Variants in ANKRD26 observed in about 807,000 individuals in gnomAD.
ANKRD26 encodes the protein ankyrin repeat domain 26.
Under a neutral mutation model 208.7 loss-of-function variants are expected in ANKRD26, and 141 were observed. That is an observed-to-expected ratio of 0.68 (90% CI 0.59 to 0.78). The LOEUF (loss-of-function observed/expected upper bound fraction) is 0.78, where lower values mean the gene tolerates loss of function less well. Among genes scored for constraint, ANKRD26 ranks in the 30% least tolerant of loss-of-function variants. ANKRD26 has a pLI of 0.00. For synonymous variants in ANKRD26, 636 were observed against 660.4 expected (o/e 0.96, Z 0.57); for missense variants, 1,889 against 1,938.7 (o/e 0.97, Z 0.48).
chr10:26,953,157 G>T, the ANKRD26 span, among the ~76,000 whole-genome samples: 2 of 152,126 alleles, frequency 1.3e-5, no homozygotes, highest in African/African-American at 4.8e-5. Context: ...AGACAGAGTG[G>T]GTCATGCCTG....
chr10:27,061,143 C>T lies in ANKRD26; in HGVS notation c.1462+1G>A, dbSNP rs987005249. The T allele has an allele frequency of 3.1e-6, 5 of 1,598,700 alleles. No individual in the cohort carries two copies. In the South Asian group the frequency reaches 3.3e-5, roughly 11 times the overall value. On this transcript the variant is annotated splice_donor_variant, in intron 13 of 33. Transcript: ENST00000376087. LOFTEE classifies it high-confidence loss of function. Reference sequence around the variant, plus strand: ...CAAAAATACGCATTTTTTTTCCATACCCATGTGGGCTACTGGCATGCCTAC... The same window carrying T: ...CAAAAATACGCATTTTTTTTCCATATCCATGTGGGCTACTGGCATGCCTAC...
At chr10:26,954,836 G>A in the ANKRD26 span, among the ~76,000 whole-genome samples, 1 of 151,652 alleles carries the variant, frequency 6.6e-6, no homozygotes, top group Non-Finnish European at 1.5e-5. Context: ...TGGTACATGT[G>A]TTTTAGTGTA....
chr10:26,949,575 G>C, the ANKRD26 span, among the ~76,000 whole-genome samples: 1 of 151,930 alleles, frequency 6.6e-6, no homozygotes, highest in African/African-American at 2.4e-5. Context: ...GCGAGATTTC[G>C]GCTTAATGCA....
intron 5 of ANKRD26, among the ~76,000 whole-genome samples, chr10:26,992,467 C>T (rs7073848): frequency 0.12 from 14,495 of 124,334 alleles, 2,308 homozygotes; most frequent in African/African-American, 0.39. Flanking sequence ...AATACACACA[C>T]GTACACACAC....
At chr10:27,082,077 G>C (rs61848961) in intron 6 of ANKRD26, among the ~76,000 whole-genome samples, 1 of 17,694 alleles carries the variant, frequency 5.7e-5, no homozygotes, top group Non-Finnish European at 2.6e-4. Context: ...AAAAAAAAGG[G>C]AGAGAGAGAA....
intron 20 of ANKRD26, among the ~76,000 whole-genome samples, chr10:27,042,037 A>G (rs2135266912): frequency 6.6e-6 from 1 of 152,182 alleles, no homozygotes; most frequent in Non-Finnish European, 1.5e-5. Flanking sequence ...TAGCAAAACA[A>G]AGAGTCATAG....
At chr10:27,068,424 T>TATATTACCCA (rs2055346168) in intron 9 of ANKRD26, among the ~76,000 whole-genome samples, 1 of 152,210 alleles carries the variant, frequency 6.6e-6, no homozygotes, top group South Asian at 2.1e-4. Context: ...CATTACCCAG[T>TATATTACCCA]CTGGGGTATT....
At chr10:27,084,073 C>T (rs1367044875) in intron 5 of ANKRD26, among the ~76,000 whole-genome samples, 2 of 151,962 alleles carry the variant, frequency 1.3e-5, no homozygotes, top group Non-Finnish European at 2.9e-5. Flanking sequence ...AGTAGCCAGG[C>T]ATGGTAGCAC....
chr10:26,952,496 C>CT, the ANKRD26 span, among the ~76,000 whole-genome samples: 1 of 134,578 alleles, frequency 7.4e-6, no homozygotes, highest in African/African-American at 2.7e-5. Context: ...CATCAAGAGC[C>CT]TTTTTGACAT....
At chr10:26,974,882 C>T (rs951385896) in exon 6 of ANKRD26, among the ~76,000 whole-genome samples, 2 of 151,944 alleles carry the variant, frequency 1.3e-5, no homozygotes, top group Non-Finnish European at 2.9e-5. Flanking sequence ...ATCAGTTCAT[C>T]GTTATTGTTC....
At chr10:27,067,005 T>A (rs2055274798) in intron 10 of ANKRD26, 152 bp downstream of exon 10, 1 of 740,466 alleles carries the variant, frequency 1.4e-6, no homozygotes. Context: ...TGGGGTTTCA[T>A]CATGTTGGCT....
At chr10:27,062,814 C>A (rs1022064755) in intron 12 of ANKRD26, among the ~76,000 whole-genome samples, 1 of 150,732 alleles carries the variant, frequency 6.6e-6, no homozygotes, top group African/African-American at 2.4e-5. Context: ...GTTGCCCAGG[C>A]TGGAGTGCAG....
intron 21 of ANKRD26, 79 bp from the exon 22 acceptor site, chr10:27,038,133 G>A: frequency 8.5e-7 from 1 of 1,173,526 alleles, no homozygotes; most frequent in Non-Finnish European, 1.2e-6. Context: ...CGCTTTGTAT[G>A]TTGGTTTATT....
At chr10:27,002,918 T>C (rs1186591483), downstream of ANKRD26, among the ~76,000 whole-genome samples, 1 of 146,986 alleles carries the variant, frequency 6.8e-6, no homozygotes, top group Non-Finnish European at 1.5e-5. Flanking sequence ...GTATCTTAAT[T>C]TTTTAAATTA....
Position 27,017,619 on chromosome 10 carries a change from A to G in ANKRD26, c.4389T>C (p.Ser1463=). 1 of 1,613,588 alleles carries G rather than the reference A, an allele frequency of 6.2e-7. No individual in the cohort carries two copies. Among genetic ancestry groups the G allele is most frequent in the South Asian group, 1.1e-5 (1 of 91,062 alleles). The change falls in exon 30 of 34, where the codon AGT becomes AGC. Residue 1463 remains serine, a synonymous_variant. Transcript: ENST00000376087. ...GTTCTACCATATTCCTTTCTATATG[A>G]CTTCTCAGGTTGATCACTTCTTGTT... The part of the protein sequence containing the change: ...KLEQEVINLR[S]HIERNMVELG...
chr10:27,037,159 G>C, intron 23 of ANKRD26, 27 bp downstream of exon 23: 1 of 1,608,182 alleles, frequency 6.2e-7, no homozygotes, highest in Non-Finnish European at 8.5e-7. Context: ...ACACATATTT[G>C]AAAATGACTA....
chr10:27,058,442 G>A (rs535809600), intron 15 of ANKRD26, among the ~76,000 whole-genome samples: 7 of 152,248 alleles, frequency 4.6e-5, no homozygotes, highest in South Asian at 4.1e-4. Context: ...ATTCAAATGC[G>A]TGGCTGTACA....
At chr10:27,039,648 A>G (rs573893778) in intron 21 of ANKRD26, among the ~76,000 whole-genome samples, 1 of 152,194 alleles carries the variant, frequency 6.6e-6, no homozygotes, top group Non-Finnish European at 1.5e-5. Context: ...AAATGTAGAA[A>G]AAGATTTATA....
chr10:27,086,172 T>C (rs1438352434), intron 5 of ANKRD26, among the ~76,000 whole-genome samples: 1 of 152,088 alleles, frequency 6.6e-6, no homozygotes, highest in Non-Finnish European at 1.5e-5. Context: ...CCATTTATTA[T>C]AAAAATTAAA....
Sources: gnomAD v4.1 joint callset for allele counts (sites outside exome capture counted in the v4.1 genomes callset) on GRCh38, gnomAD v4.1.1 for gene constraint, MANE v1.5 for transcripts, NCBI Gene and HGNC (gene_info 2026-07-23, HGNC 2026-07-21) for gene names.